CCDC150: variants seen among roughly 807,000 people sequenced by gnomAD.
The protein encoded by CCDC150 is coiled-coil domain-containing protein 150.
CCDC150 carries 151 observed loss-of-function variants against 156.5 expected under a neutral mutation model. The ratio of observed to expected loss-of-function variants is 0.97; its 90% CI spans 0.85 to 1.10. The LOEUF is 1.10. Among genes scored for constraint, CCDC150 ranks in the 50% least tolerant of loss-of-function variants. The probability of loss-of-function intolerance (pLI) is 0.00; values close to 1 mark genes in which losing one functional copy is unlikely to be tolerated. For missense variants in CCDC150, 1,312 were observed against 1,268.1 expected, an observed-to-expected ratio of 1.03 and a Z score of -0.53; for synonymous variants, 452 against 429.4, an observed-to-expected ratio of 1.05 and a Z score of -0.65.
intron 13 of CCDC150, among the ~76,000 whole-genome samples, chr2:196,679,408 T>C (rs1694689216): frequency 1.3e-5 from 2 of 152,188 alleles, no homozygotes; most frequent in South Asian, 4.1e-4. Context: ...ATAAATAGAA[T>C]CATACAGTAT....
intron 17 of CCDC150, among the ~76,000 whole-genome samples, chr2:196,717,260 A>G (rs1296482844): frequency 6.6e-5 from 10 of 152,132 alleles, no homozygotes; most frequent in African/African-American, 2.4e-4. Flanking sequence ...TATGGGAAAG[A>G]AAAGAACAAA....
intron 19 of CCDC150, 191 bp from the exon 20 acceptor site, chr2:196,720,384 G>A (rs1697809176): frequency 1.8e-6 from 1 of 560,388 alleles, no homozygotes; most frequent in South Asian, 2.4e-5. Flanking sequence ...GTTATATGTA[G>A]ATGCAAAAAT....
chr2:196,670,099 C>CT (rs1293799753), intron 8 of CCDC150, among the ~76,000 whole-genome samples: 2 of 151,894 alleles, frequency 1.3e-5, no homozygotes, highest in Admixed American at 6.6e-5. Context: ...AAAAATAAGA[C>CT]TTATTTGTGT....
At chr2:196,729,127 C>A (rs1559282795) in intron 22 of CCDC150, 66 bp from the exon 23 acceptor site, 3 of 1,376,454 alleles carry the variant, frequency 2.2e-6, no homozygotes, top group Non-Finnish European at 3.0e-6. Context: ...AATATAAGGA[C>A]AAAACTAAGT....
intron 17 of CCDC150, among the ~76,000 whole-genome samples, chr2:196,713,853 A>G (rs1697305638): frequency 6.6e-6 from 1 of 152,200 alleles, no homozygotes; most frequent in African/African-American, 2.4e-5. Context: ...CCATCACATA[A>G]TTAGTTTTAG....
intron 26 of CCDC150, 53 bp downstream of exon 26, chr2:196,730,998 C>G: frequency 7.4e-7 from 1 of 1,357,716 alleles, no homozygotes; most frequent in Non-Finnish European, 1.0e-6. Context: ...AACACAGCAA[C>G]CCTGAAGCAA....
chr2:196,647,423 A>G (rs1692611568), intron 2 of CCDC150, among the ~76,000 whole-genome samples: 1 of 152,126 alleles, frequency 6.6e-6, no homozygotes. Flanking sequence ...AATATTTAAC[A>G]TATTTTATCA....
intron 7 of CCDC150, chr2:196,668,049 A>T (rs1464674145): frequency 9.8e-5 from 15 of 152,366 alleles, no homozygotes; most frequent in African/African-American, 3.6e-4. Flanking sequence ...CTGTAATCCC[A>T]GCACTTGGGG....
At chr2:196,709,933 G>C (rs1409188454) in intron 15 of CCDC150, among the ~76,000 whole-genome samples, 1 of 152,200 alleles carries the variant, frequency 6.6e-6, no homozygotes, top group Admixed American at 6.5e-5. Flanking sequence ...GGCCCCTACT[G>C]GGAGGTGTCT....
chr2:196,719,225 G>A (rs1697728928), intron 18 of CCDC150: 1 of 246,084 alleles, frequency 4.1e-6, no homozygotes, highest in Non-Finnish European at 7.7e-6. Flanking sequence ...GTTGTGCTGA[G>A]TCAGGCCTCT....
In CCDC150 at chr2:196,720,636, A is replaced by G; in HGVS notation, c.2227A>G (p.Met743Val). The G allele has an allele frequency of 6.2e-7, 1 of 1,613,924 alleles. No individual in the cohort carries two copies. Among genetic ancestry groups the G allele is most frequent in the Non-Finnish European group, 8.5e-7 (1 of 1,179,856 alleles). The change falls in exon 20 of 28, where the codon ATG (methionine) becomes GTG (valine). Residue 743 changes from methionine (M) to valine (V), a missense_variant. Met to Val is a conservative substitution (Grantham distance 21, BLOSUM62 1). Coordinates refer to ENST00000389175, the MANE Select transcript of CCDC150 (RefSeq NM_001080539.2). ...EAEVDQWQAR[M>V]LVMEDQHNSE... ...TGAAGTGGACCAGTGGCAGGCCAGG[A>G]TGCTTGTCATGGAGGACCAGCACAA...
At chr2:196,696,403 C>T (rs929669670) in intron 14 of CCDC150, among the ~76,000 whole-genome samples, 9 of 152,174 alleles carry the variant, frequency 5.9e-5, no homozygotes, top group African/African-American at 2.2e-4. Context: ...AAGATTCAGC[C>T]ATGTCCTTTG....
At chr2:196,676,433 T>G in intron 11 of CCDC150, 121 bp from the exon 12 acceptor site, 4 of 1,301,540 alleles carry the variant, frequency 3.1e-6, no homozygotes, top group Non-Finnish European at 4.3e-6. Flanking sequence ...ACTAGTTTTG[T>G]TAGAACATTT....
rs144491984 is a variant in CCDC150, at chr2:196,707,537, C to G, written c.1696-4608C>G. On this transcript the variant is annotated intron_variant, in intron 15 of 27. Coordinates refer to ENST00000389175, the MANE Select transcript of CCDC150 (RefSeq NM_001080539.2). ...AGTTCTGCTCTGATCTTAGTTATTT[C>G]TTGCCTGCTGCTAGCTTTTGAATTT... Among the ~76,000 whole-genome samples the G allele has an allele frequency of 5.5e-3, 835 of 152,134 alleles. 5 individuals are homozygous for G. Among genetic ancestry groups the G allele is most frequent in the African/African-American group, 0.019 (807 of 41,512 alleles).
chr2:196,688,386 T>C (rs1695242268), intron 13 of CCDC150, among the ~76,000 whole-genome samples: 1 of 152,210 alleles, frequency 6.6e-6, no homozygotes, highest in Non-Finnish European at 1.5e-5. Flanking sequence ...CATTCATGAT[T>C]TGGCTGTCAG....
chr2:196,732,008 T>C, intron 26 of CCDC150, 25 bp from the exon 27 acceptor site: 1 of 1,607,824 alleles, frequency 6.2e-7, no homozygotes, highest in Non-Finnish European at 8.5e-7. Flanking sequence ...TTTGTGTCTT[T>C]TAATGGTGAT....
At chr2:196,677,466 G>T (rs1694582008) in intron 13 of CCDC150, 105 bp downstream of exon 13, 2 of 748,246 alleles carry the variant, frequency 2.7e-6, no homozygotes, top group Admixed American at 2.3e-5. Flanking sequence ...ATACCAAGCT[G>T]CAGGGAAAGG....
At chr2:196,679,925 C>G (rs552260149) in intron 13 of CCDC150, among the ~76,000 whole-genome samples, 6 of 152,262 alleles carry the variant, frequency 3.9e-5, no homozygotes, top group Admixed American at 3.9e-4. Flanking sequence ...CTCATCAAAT[C>G]TTTTAACCAT....
chr2:196,657,618 T>G (rs1438545446), intron 4 of CCDC150, among the ~76,000 whole-genome samples: 1 of 152,108 alleles, frequency 6.6e-6, no homozygotes, highest in African/African-American at 2.4e-5. Context: ...GATAGGACCT[T>G]TAGAAGCAAG....
Sources: gnomAD v4.1 joint callset for allele counts (sites outside exome capture counted in the v4.1 genomes callset) on GRCh38, gnomAD v4.1.1 for gene constraint, MANE v1.5 for transcripts, NCBI Gene and HGNC (gene_info 2026-07-23, HGNC 2026-07-21) for gene names.